Variants in SMCO4 observed in about 807,000 individuals in gnomAD.
The protein encoded by SMCO4 is single-pass membrane protein with coiled-coil domains 4, also known as single-pass membrane and coiled-coil domain-containing protein 4.
Under a neutral mutation model 3.6 loss-of-function variants are expected in SMCO4, and 4 were observed. The ratio of observed to expected loss-of-function variants is 1.11; its 90% CI spans 0.54 to 2.53. The LOEUF is 2.53. Among genes scored for constraint, SMCO4 ranks in the 30% most tolerant of loss-of-function variants. SMCO4 has a pLI of 0.02. For synonymous variants in SMCO4, 36 were observed against 35.3 expected (o/e 1.02, Z -0.07); for missense variants, 70 against 80.8 (o/e 0.87, Z 0.51).
At chr11:93,549,213 C>G in the SMCO4 span, among the ~76,000 whole-genome samples, 4 of 152,146 alleles carry the variant, frequency 2.6e-5, no homozygotes, top group Non-Finnish European at 4.4e-5. Flanking sequence ...AGGGGAGCTA[C>G]TTAACCCTAA....
intron 1 of SMCO4, among the ~76,000 whole-genome samples, chr11:93,531,310 G>A (rs1949159238): frequency 6.6e-6 from 1 of 152,142 alleles, no homozygotes; most frequent in East Asian, 1.9e-4. Context: ...GGCTCTTCCT[G>A]GGTCTCAAGC....
chr11:93,537,937 A>G (rs1412756414), intron 1 of SMCO4: 2 of 152,512 alleles, frequency 1.3e-5, no homozygotes, highest in Non-Finnish European at 2.9e-5. Flanking sequence ...ACACAGCCCA[A>G]ATAAAGCCAG....
At position 93,540,817 on chromosome 11, in the gene SMCO4, G is replaced by C. The variant is rs138003186; in HGVS notation, c.-154+2459C>G. 2.8e-3 allele frequency among the ~76,000 whole-genome samples: 430 copies of C among 152,224 alleles called. 4 individuals are homozygous for C. Among genetic ancestry groups the C allele is most frequent in the African/African-American group, 9.9e-3 (413 of 41,534 alleles). On this transcript the variant is annotated intron_variant, in intron 1 of 2. Coordinates refer to ENST00000298966, the MANE Select transcript of SMCO4 (RefSeq NM_020179.3). ...ACACACAAACACTAGATATTTTAAA[G>C]ACTCAACCTAATTAATCAAGCCTTT... is the stretch of plus-strand genomic sequence containing the variant.
chr11:93,506,751 G>A (rs536497841), intron 1 of SMCO4, among the ~76,000 whole-genome samples: 22 of 152,252 alleles, frequency 1.4e-4, no homozygotes, highest in South Asian at 6.2e-4. Context: ...TTAGCTAAGC[G>A]TGTCCTTGAT....
intron 1 of SMCO4, among the ~76,000 whole-genome samples, chr11:93,514,492 C>G (rs897361104): frequency 2.0e-5 from 3 of 146,886 alleles, no homozygotes; most frequent in Non-Finnish European, 4.5e-5. Context: ...CTATATTTTT[C>G]CATCAGCTCT....
At chr11:93,502,514 C>T (rs1760006303) in intron 1 of SMCO4, among the ~76,000 whole-genome samples, 1 of 152,166 alleles carries the variant, frequency 6.6e-6, no homozygotes, top group Non-Finnish European at 1.5e-5. Context: ...GCTTAAAGGG[C>T]AGACTATATC....
chr11:93,526,300 T>TA (rs34555224), intron 1 of SMCO4, among the ~76,000 whole-genome samples: 102,239 of 144,324 alleles, frequency 0.71, 36,473 homozygotes, highest in South Asian at 0.86. Flanking sequence ...AAATATTTGC[T>TA]AAAAAAAAAA....
intron 1 of SMCO4, among the ~76,000 whole-genome samples, chr11:93,507,033 A>T (rs1238489704): frequency 6.6e-6 from 1 of 152,208 alleles, no homozygotes; most frequent in African/African-American, 2.4e-5. Flanking sequence ...GTCAAAAATA[A>T]ATACAGTGAG....
chr11:93,515,427 C>A (rs1304589476), intron 1 of SMCO4, among the ~76,000 whole-genome samples: 2 of 152,158 alleles, frequency 1.3e-5, no homozygotes, highest in African/African-American at 4.8e-5. Flanking sequence ...GAGGTAATTA[C>A]TTGTATATCA....
intron 1 of SMCO4, among the ~76,000 whole-genome samples, chr11:93,514,343 G>C (rs1348242183): frequency 1.7e-5 from 2 of 119,970 alleles, no homozygotes; most frequent in African/African-American, 6.3e-5. Context: ...AAGGAATCAG[G>C]AAGACAAAGG....
intron 1 of SMCO4, among the ~76,000 whole-genome samples, chr11:93,534,982 T>C (rs1477287313): frequency 1.3e-5 from 2 of 152,128 alleles, no homozygotes; most frequent in Middle Eastern, 3.2e-3. Flanking sequence ...GAAGAAAACA[T>C]CTGCTTTACC....
chr11:93,496,526 A>G (rs145511227), intron 2 of SMCO4, among the ~76,000 whole-genome samples: 77 of 152,228 alleles, frequency 5.1e-4, no homozygotes, highest in African/African-American at 1.8e-3. Flanking sequence ...ACTGCCATAA[A>G]GGGTGTAAGA....
intron 1 of SMCO4, among the ~76,000 whole-genome samples, chr11:93,522,603 T>C (rs1949068213): frequency 6.6e-6 from 1 of 152,256 alleles, no homozygotes; most frequent in African/African-American, 2.4e-5. Flanking sequence ...TAACAGGGCA[T>C]AGGCCAAGTC....
upstream of SMCO4, among the ~76,000 whole-genome samples, chr11:93,545,605 AAAAAGAG>A (rs1949310472): frequency 1.3e-5 from 2 of 151,610 alleles, no homozygotes; most frequent in Non-Finnish European, 1.5e-5. Context: ...AAAAAAAAAA[AAAAAGAG>A]AGAGAGAGAG....
chr11:93,530,653 C>T (rs915689077), intron 1 of SMCO4, among the ~76,000 whole-genome samples: 63 of 152,234 alleles, frequency 4.1e-4, no homozygotes, highest in African/African-American at 1.4e-3. Context: ...TCTTTACTCC[C>T]AACCTCTCCC....
At chr11:93,550,612 C>T in the SMCO4 span, among the ~76,000 whole-genome samples, 1 of 152,180 alleles carries the variant, frequency 6.6e-6, no homozygotes, top group Non-Finnish European at 1.5e-5. Flanking sequence ...GAATTTGAGG[C>T]TACAGTGAGC....
In SMCO4 at chr11:93,524,795, A is replaced by C. The variant is rs187421985; in HGVS notation, c.-154+18481T>G. On this transcript the variant is annotated intron_variant, in intron 1 of 2. Coordinates refer to ENST00000298966, the MANE Select transcript of SMCO4 (RefSeq NM_020179.3). ...GGTGCATCCAATGCGTTCCCCACCTATGTTAACTCACAGATCTCGCCTGCT... is the reference window on the plus strand; with the variant it reads ...GGTGCATCCAATGCGTTCCCCACCTCTGTTAACTCACAGATCTCGCCTGCT... Among the ~76,000 whole-genome samples the C allele has an allele frequency of 4.9e-4, 75 of 152,304 alleles. 1 individual carries two copies. In the East Asian group the frequency reaches 0.014, roughly 29 times the overall value.
intron 1 of SMCO4, among the ~76,000 whole-genome samples, chr11:93,514,377 T>C (rs1396604195): frequency 7.3e-4 from 4 of 5,458 alleles, no homozygotes; most frequent in Non-Finnish European, 1.3e-3. Context: ...GATGAGGCTA[T>C]ATATATATAT....
chr11:93,546,174 C>A (rs2134648818), upstream of SMCO4, among the ~76,000 whole-genome samples: 1 of 152,292 alleles, frequency 6.6e-6, no homozygotes, highest in South Asian at 2.1e-4. Flanking sequence ...TGAAATTCAC[C>A]CAAGAATCAG....
Sources: gnomAD v4.1 joint callset for allele counts (sites outside exome capture counted in the v4.1 genomes callset) on GRCh38, gnomAD v4.1.1 for gene constraint, MANE v1.5 for transcripts, NCBI Gene and HGNC (gene_info 2026-07-23, HGNC 2026-07-21) for gene names.